Variants in PPARA observed in about 807,000 individuals in gnomAD.
PPARA encodes the protein peroxisome proliferator-activated receptor alpha.
PPARA carries 22 observed loss-of-function variants against 42.2 expected under a neutral mutation model. The observed-to-expected ratio is 0.52, with a 90% confidence interval of 0.37 to 0.74. The LOEUF (loss-of-function observed/expected upper bound fraction) is 0.74. PPARA is among the 30% of genes least tolerant of loss of function. The probability of loss-of-function intolerance (pLI) is 0.00; values close to 1 mark genes in which losing one functional copy is unlikely to be tolerated. For synonymous variants in PPARA, 242 were observed against 239.3 expected, an observed-to-expected ratio of 1.01 and a Z score of -0.10; for missense variants, 465 against 608.2, an observed-to-expected ratio of 0.76 and a Z score of 2.48.
In PPARA at chr22:46,193,737, C is replaced by T. The variant is rs547185893; in HGVS notation, c.-42-4605C>T. On this transcript the variant is annotated intron_variant, in intron 3 of 8. Transcript: ENST00000407236. This position sits in a 1 kb window ranked among gnomAD's most constrained non-coding sequence, Gnocchi z 5.3. ...ACTGGAACAGAAGCCCTACCTTTTC[C>T]CAACACCCTATCCACCTGTCCCTCA... Among the ~76,000 whole-genome samples the T allele has an allele frequency of 6.6e-6, 1 of 152,268 alleles. No individual in the cohort carries two copies. Among genetic ancestry groups the T allele is most frequent in the East Asian group, 1.9e-4 (1 of 5,176 alleles).
chr22:46,185,224 A>C (rs953757750), intron 3 of PPARA, among the ~76,000 whole-genome samples: 1 of 152,138 alleles, frequency 6.6e-6, no homozygotes, highest in Non-Finnish European at 1.5e-5. Context: ...CTGTGAGATC[A>C]GGCCCTTTAT....
intron 7 of PPARA, among the ~76,000 whole-genome samples, chr22:46,223,339 G>A (rs548495390): frequency 6.6e-6 from 1 of 151,970 alleles, no homozygotes; most frequent in Non-Finnish European, 1.5e-5. Flanking sequence ...TTTGCATTTT[G>A]GCCTTAAAGA....
rs1457473910 is a variant in PPARA, at chr22:46,238,378, T to C, written c.*2998T>C. The C allele has an allele frequency of 5.9e-5, 9 of 152,132 alleles. No homozygotes were observed. The highest frequency in any genetic ancestry group is 2.2e-4 in the African/African-American group (9 of 41,418). The allele number at this position is 152,132 out of a possible 1,614,324, so 9.4% of individuals were successfully genotyped here. A position where few individuals can be genotyped will look rare whatever the true frequency, so the allele number is the denominator to read the frequency against. On this transcript the variant is annotated 3_prime_UTR_variant, in exon 9 of 9. Coordinates refer to ENST00000407236, the MANE Select transcript of PPARA (RefSeq NM_005036.6). The surrounding 1 kb of genome is among the most constrained non-coding windows in gnomAD (Gnocchi z 8.3). ...GTTCAAATGGGAACTATTAACAGAG[T>C]GCATTTCTTGCTTGCTGGGTTTCAA...
In PPARA at chr22:46,193,135, C is replaced by A. The variant is rs1448458735; in HGVS notation, c.-42-5207C>A. 6.6e-6 allele frequency among the ~76,000 whole-genome samples: 1 copy of A among 152,148 alleles called. No individual in the cohort carries two copies. The highest frequency in any genetic ancestry group is 1.5e-5 in the Non-Finnish European group (1 of 68,020). On this transcript the variant is annotated intron_variant, in intron 3 of 8. Coordinates refer to ENST00000407236, the MANE Select transcript of PPARA (RefSeq NM_005036.6). This position sits in a 1 kb window ranked among gnomAD's most constrained non-coding sequence, Gnocchi z 5.3. ...AGGCTGGAGTGCAGTGGCATGATCT[C>A]GGCTCACTGCAACCTCCACCTCCTG...
chr22:46,223,046 G>A (rs535757168), intron 7 of PPARA, among the ~76,000 whole-genome samples: 1 of 152,246 alleles, frequency 6.6e-6, no homozygotes, highest in South Asian at 2.1e-4. Context: ...TATAGTCCCC[G>A]CGACTTGGGA....
At chr22:46,189,556 T>C (rs1036965513) in intron 3 of PPARA, among the ~76,000 whole-genome samples, 27 of 152,342 alleles carry the variant, frequency 1.8e-4, no homozygotes, top group African/African-American at 6.5e-4. Flanking sequence ...TTGATTTAAA[T>C]TCATTAAGAT....
Position 46,156,018 on chromosome 22 carries a change from G to A in PPARA, c.-127+4048G>A, listed in dbSNP as rs1360236371. 3.9e-5 allele frequency: 6 copies of A among 152,188 alleles called. No individual in the cohort carries two copies. Among genetic ancestry groups the A allele is most frequent in the Non-Finnish European group, 5.9e-5 (4 of 68,034 alleles). 9.4% of individuals were successfully genotyped at this position (152,188 alleles called of 1,614,324 possible). A position where few individuals can be genotyped will look rare whatever the true frequency, so the allele number is the denominator to read the frequency against. On this transcript the variant is annotated intron_variant, in intron 2 of 8. Coordinates refer to ENST00000407236, the MANE Select transcript of PPARA (RefSeq NM_005036.6). This position sits in a 1 kb window ranked among gnomAD's most constrained non-coding sequence, Gnocchi z 5.2. ...CATCTTTTAATAGTGATATTACGGT[G>A]TCTTAAAAGTTTATGCATTTGAAAA...
chr22:46,155,758 A>G (rs1925213939), intron 2 of PPARA: 1 of 152,240 alleles, frequency 6.6e-6, no homozygotes, highest in African/African-American at 2.4e-5. Context: ...CAGAATTTAC[A>G]TTTTCAACTT....
rs1450195011 is a variant in PPARA at position 46,224,302 on chromosome 22, C to G, written c.711+4288C>G. 6.6e-6 allele frequency among the ~76,000 whole-genome samples: 1 copy of G among 152,168 alleles called. No homozygotes were observed. Among genetic ancestry groups the G allele is most frequent in the Admixed American group, 6.5e-5 (1 of 15,274 alleles). ...GTGCAGGATACCCTCTCTGCTTAGT[C>G]TGGGAAAAGGCCCCGTTGGCAGGAT... is the stretch of plus-strand genomic sequence containing the variant. On this transcript the variant is annotated intron_variant, in intron 7 of 8. Transcript: ENST00000407236. The surrounding 1 kb of genome is among the most constrained non-coding windows in gnomAD (Gnocchi z 5.7).
intron 2 of PPARA, chr22:46,175,857 T>C (rs1928966836): frequency 6.6e-6 from 1 of 152,194 alleles, no homozygotes; most frequent in Non-Finnish European, 1.5e-5. Context: ...TTCCATGGTA[T>C]GGAGGAACCA....
In PPARA at chr22:46,225,898, C is replaced by T. The variant is rs954736039; in HGVS notation, c.711+5884C>T. On this transcript the variant is annotated intron_variant, in intron 7 of 8. Coordinates refer to ENST00000407236, the MANE Select transcript of PPARA (RefSeq NM_005036.6). The surrounding 1 kb of genome is among the most constrained non-coding windows in gnomAD (Gnocchi z 4.1). The stretch of plus-strand genomic sequence containing the variant: ...GGATACACGCACACTCACACATGTA[C>T]CCACACCTGTGTGTACACACACACA... Among the ~76,000 whole-genome samples, 1 of 150,902 alleles carries T rather than the reference C, an allele frequency of 6.6e-6. No individual in the cohort carries two copies. Among genetic ancestry groups the T allele is most frequent in the African/African-American group, 2.4e-5 (1 of 41,008 alleles).
rs933436611 is a variant in PPARA at position 46,231,368 on chromosome 22, G to T, written c.712-424G>T. ...CGAGTAGCTGGGACTACAGGCGCCC[G>T]CCACCACACCCAGCTAATTTTTTTG... On this transcript the variant is annotated intron_variant, in intron 7 of 8. Coordinates refer to ENST00000407236, the MANE Select transcript of PPARA (RefSeq NM_005036.6). The surrounding 1 kb of genome is among the most constrained non-coding windows in gnomAD (Gnocchi z 7.7). Among the ~76,000 whole-genome samples the T allele has an allele frequency of 6.6e-6, 1 of 151,980 alleles. No homozygotes were observed. The highest frequency in any genetic ancestry group is 6.6e-5 in the Admixed American group (1 of 15,248).
rs936365381 is a variant in PPARA, at chr22:46,161,822, C to T, written c.-127+9852C>T. 2.0e-5 allele frequency among the ~76,000 whole-genome samples: 3 copies of T among 152,184 alleles called. No individual in the cohort carries two copies. Among genetic ancestry groups the T allele is most frequent in the Non-Finnish European group, 2.9e-5 (2 of 68,034 alleles). On this transcript the variant is annotated intron_variant, in intron 2 of 8. Coordinates refer to ENST00000407236, the MANE Select transcript of PPARA (RefSeq NM_005036.6). This position sits in a 1 kb window ranked among gnomAD's most constrained non-coding sequence, Gnocchi z 4.8. ...AGTGGCGTTCCCTTTTCCGCGCTAG[C>T]GTTTGGTCCCTGCGCTTTTCTGGAT...
rs55691428 is a variant in PPARA, at chr22:46,185,964, T to TAC, written c.-43+9137_-43+9138dup. 4.6e-3 allele frequency among the ~76,000 whole-genome samples: 118 copies of TAC among 25,920 alleles called. 8 individuals carry two copies. Among genetic ancestry groups the TAC allele is most frequent in the African/African-American group, 0.011 (101 of 9,152 alleles). 17.0% of individuals were successfully genotyped at this position (25,920 alleles called of 152,430 possible). A position where few individuals can be genotyped will look rare whatever the true frequency, so the allele number is the denominator to read the frequency against. The stretch of plus-strand genomic sequence containing the variant: ...ATATATATATATATATATATATATA[T>TAC]ACACACACACTAACCTTCAGCATAT... On this transcript the variant is annotated intron_variant, in intron 3 of 8. Coordinates refer to ENST00000407236, the MANE Select transcript of PPARA (RefSeq NM_005036.6).
chr22:46,191,176 A>G lies in PPARA; in HGVS notation c.-42-7166A>G, dbSNP rs1055124718. On this transcript the variant is annotated intron_variant, in intron 3 of 8. Transcript: ENST00000407236. This position sits in a 1 kb window ranked among gnomAD's most constrained non-coding sequence, Gnocchi z 4.6. ...ACAACTGCACTCCAGCCTGGGTGAC[A>G]GAGTGAGACTGCATCTATAAAAACA... Among the ~76,000 whole-genome samples, 2 of 152,224 alleles carry G rather than the reference A, an allele frequency of 1.3e-5. No individual in the cohort carries two copies. Among genetic ancestry groups the G allele is most frequent in the African/African-American group, 4.8e-5 (2 of 41,436 alleles).
At chr22:46,194,011 G>A (rs1188035620) in intron 3 of PPARA, among the ~76,000 whole-genome samples, 3 of 152,192 alleles carry the variant, frequency 2.0e-5, no homozygotes, top group Non-Finnish European at 4.4e-5. Flanking sequence ...GACTTCCCCG[G>A]GATATTCTGC....
chr22:46,232,005 C>T lies in PPARA; in HGVS notation c.925C>T (p.Leu309=). Residue 309 remains leucine (L), a synonymous_variant, in exon 8 of 9, where the codon CTA becomes TTA. Coordinates refer to ENST00000407236, the MANE Select transcript of PPARA (RefSeq NM_005036.6). This position sits in a 1 kb window ranked among gnomAD's most constrained non-coding sequence, Gnocchi z 5.3. The part of the protein sequence containing the change: ...NLDLNDQVTL[L]KYGVYEAIFA... ...GGACCTGAACGATCAAGTGACATTGCTAAAATACGGAGTTTATGAGGCCAT... is the reference window on the plus strand; with the variant it reads ...GGACCTGAACGATCAAGTGACATTGTTAAAATACGGAGTTTATGAGGCCAT... 6.2e-7 allele frequency: 1 copy of T among 1,614,162 alleles called. No homozygotes were observed. The highest frequency in any genetic ancestry group is 8.5e-7 in the Non-Finnish European group (1 of 1,180,032).
intron 2 of PPARA, among the ~76,000 whole-genome samples, chr22:46,157,908 A>G (rs1925565193): frequency 7.3e-6 from 1 of 136,702 alleles, no homozygotes; most frequent in South Asian, 2.2e-4. Flanking sequence ...TTCTATTCAG[A>G]TTTACTTGCT....
intron 4 of PPARA, among the ~76,000 whole-genome samples, chr22:46,205,165 G>A (rs1204208621): frequency 6.7e-6 from 1 of 149,364 alleles, no homozygotes; most frequent in African/African-American, 2.5e-5. Context: ...TGCCCGACCA[G>A]TTCTTAATTT....
Sources: allele counts gnomAD v4.1 joint callset (sites outside exome capture counted in the v4.1 genomes callset), GRCh38; gene constraint gnomAD v4.1.1; non-coding constraint Gnocchi (gnomAD v3.1); transcripts MANE v1.5; gene names NCBI Gene and HGNC (gene_info 2026-07-23, HGNC 2026-07-21).